The following ANK1 variants were observed in gnomAD, a reference collection of about 807,000 sequenced individuals.
ANK1 encodes the protein ankyrin 1.
In ANK1, 51 loss-of-function variants were observed where a neutral mutation model predicts 210.4. That is an observed-to-expected ratio of 0.24 (90% confidence interval 0.19 to 0.31). The LOEUF is 0.31. Ranked by LOEUF, ANK1 falls within the 10% of genes least tolerant of loss-of-function variation. ANK1 has a pLI of 1.00. For missense variants in ANK1, 2,051 were observed against 2,504.4 expected (o/e 0.82, Z 3.86); for synonymous variants, 967 against 1,025.9 (o/e 0.94, Z 1.10).
chr8:41,715,525 C>A, intron 14 of ANK1, 127 bp downstream of exon 14: 1 of 1,260,538 alleles, frequency 7.9e-7, no homozygotes, highest in Non-Finnish European at 1.1e-6. Context: ...CTGAGTGTGA[C>A]GACCCTTCCA....
intron 1 of ANK1, among the ~76,000 whole-genome samples, chr8:41,837,876 A>C (rs1808073964): frequency 6.6e-6 from 1 of 152,200 alleles, no homozygotes; most frequent in Admixed American, 6.5e-5. Flanking sequence ...TCTCAAAAAA[A>C]AAAATGTTAA....
upstream of ANK1, among the ~76,000 whole-genome samples, chr8:41,799,166 T>C (rs1849456741): frequency 6.6e-6 from 1 of 151,934 alleles, no homozygotes; most frequent in African/African-American, 2.4e-5. Flanking sequence ...TGGCTGTTTG[T>C]TGTTGTTGTT....
intron 21 of ANK1, 74 bp from the exon 22 acceptor site, chr8:41,701,696 T>G: frequency 1.4e-6 from 2 of 1,430,184 alleles, no homozygotes; most frequent in East Asian, 2.3e-5. Flanking sequence ...AGCGGTTCCC[T>G]GGTCATGCCT....
intron 1 of ANK1, among the ~76,000 whole-genome samples, chr8:41,863,080 C>T (rs770688078): frequency 3.3e-5 from 5 of 151,908 alleles, no homozygotes; most frequent in East Asian, 1.9e-4. Flanking sequence ...GTATTATAGC[C>T]GGGCGCGGTG....
chr8:41,870,765 C>G (rs1210271165), intron 1 of ANK1, among the ~76,000 whole-genome samples: 1 of 152,146 alleles, frequency 6.6e-6, no homozygotes, highest in African/African-American at 2.4e-5. Context: ...TTTAGCTGAC[C>G]AAGGTTTTGT....
intron 1 of ANK1, among the ~76,000 whole-genome samples, chr8:41,840,943 A>T (rs1407062163): frequency 6.6e-6 from 1 of 152,226 alleles, no homozygotes; most frequent in East Asian, 1.9e-4. Context: ...AGACTTATCC[A>T]CTGATGGGGA....
At position 41,775,294 on chromosome 8, in the gene ANK1, A is replaced by G. The variant is rs578175317; in HGVS notation, c.28-17157T>C. ...CTGAGACTCCTCCTTTATTTGAACA[A>G]TTTGCCCCAAGGGACAGAGCCAGGA... On this transcript the variant is annotated intron_variant, in intron 1 of 42. Transcript: ENST00000289734. 7.2e-5 allele frequency among the ~76,000 whole-genome samples: 11 copies of G among 152,342 alleles called. No individual in the cohort carries two copies. In the South Asian group the frequency reaches 1.9e-3, roughly 26 times the overall value.
At chr8:41,885,975 T>A (rs970139657) in intron 1 of ANK1, among the ~76,000 whole-genome samples, 2 of 152,238 alleles carry the variant, frequency 1.3e-5, no homozygotes, top group Non-Finnish European at 1.5e-5. Context: ...TTTGACCTGA[T>A]GGCCATCTCC....
In ANK1 at chr8:41,655,455, G is replaced by T. The variant is rs1805340580; in HGVS notation, c.*335C>A. On this transcript the variant is annotated 3_prime_UTR_variant, in exon 43 of 43. Transcript: ENST00000289734. ...CCACAAAAAGCCCTCATTCACTTTT[G>T]CGTTCGCAGGCTCTCCTGCGCTTGT... is the stretch of plus-strand genomic sequence containing the variant. The T allele has an allele frequency of 2.4e-6, 1 of 412,126 alleles. No homozygotes were observed. The highest frequency in any genetic ancestry group is 3.9e-5 in the Admixed American group (1 of 25,542). The allele number at this position is 412,126 out of a possible 1,614,324, so 25.5% of individuals were successfully genotyped here.
At chr8:41,716,569 C>T (rs1402481859) in intron 13 of ANK1, among the ~76,000 whole-genome samples, 1 of 152,114 alleles carries the variant, frequency 6.6e-6, no homozygotes, top group Admixed American at 6.5e-5. Context: ...CTCCAACCCC[C>T]GCAAAATGTG....
At position 41,797,446 on chromosome 8, in the gene ANK1, T is replaced by C; in HGVS notation, c.27+66A>G. The C allele has an allele frequency of 6.8e-7, 1 of 1,461,052 alleles. No individual in the cohort carries two copies. The highest frequency in any genetic ancestry group is 2.4e-5 in the East Asian group (1 of 42,040). 90.5% of individuals were successfully genotyped at this position (1,461,052 alleles called of 1,614,324 possible). A position where few individuals can be genotyped will look rare whatever the true frequency, so the allele number is the denominator to read the frequency against. On this transcript the variant is annotated intron_variant, in intron 1 of 42. Coordinates refer to ENST00000289734, the MANE Select transcript of ANK1 (RefSeq NM_000037.4). This position sits in a 1 kb window ranked among gnomAD's most constrained non-coding sequence, Gnocchi z 4.0. Reference sequence around the variant, plus strand: ...CTGCTCTTGCTCGCGTGCTGCCTACTGGCGCGGCCTGGGTGGCCCCCTCCT... The same window carrying C: ...CTGCTCTTGCTCGCGTGCTGCCTACCGGCGCGGCCTGGGTGGCCCCCTCCT...
Position 41,797,459 on chromosome 8 carries a change from G to T in ANK1, c.27+53C>A. 6.4e-7 allele frequency: 1 copy of T among 1,553,464 alleles called. No individual in the cohort carries two copies. Reference sequence around the variant, plus strand: ...CGTGCTGCCTACTGGCGCGGCCTGGGTGGCCCCCTCCTGACATCTCCCCGT... The same window carrying T: ...CGTGCTGCCTACTGGCGCGGCCTGGTTGGCCCCCTCCTGACATCTCCCCGT... On this transcript the variant is annotated intron_variant, in intron 1 of 42. Transcript: ENST00000289734. The surrounding 1 kb of genome is among the most constrained non-coding windows in gnomAD (Gnocchi z 4.0).
At chr8:41,860,849 T>C (rs990642375) in intron 1 of ANK1, among the ~76,000 whole-genome samples, 4 of 152,224 alleles carry the variant, frequency 2.6e-5, no homozygotes, top group African/African-American at 9.6e-5. Context: ...CCTCCCCTGC[T>C]GTGCCTGGAG....
intron 2 of ANK1, 41 bp from the exon 3 acceptor site, chr8:41,734,110 A>G: frequency 6.4e-7 from 1 of 1,562,946 alleles, no homozygotes; most frequent in South Asian, 1.1e-5. Flanking sequence ...GGTTAGTCAA[A>G]TGGTGCTTTC....
At position 41,719,790 on chromosome 8, in the gene ANK1, T is replaced by C. The variant is rs1226121527; in HGVS notation, c.978A>G (p.Gln326=). ...DHLDCVRLLL[Q]YDAEIDDITL... ...TGATGTCGTCTATCTCTGCGTCGTA[T>C]TGCAACAGGAGCCGGACACAGTCGA... is the stretch of plus-strand genomic sequence containing the variant. The change falls in exon 10 of 43, where the codon CAA becomes CAG. Residue 326 remains glutamine, a synonymous_variant. Transcript: ENST00000289734. The C allele has an allele frequency of 1.2e-6, 2 of 1,614,182 alleles. No homozygotes were observed. The highest frequency in any genetic ancestry group is 1.3e-5 in the African/African-American group (1 of 75,046).
intron 39 of ANK1, chr8:41,665,317 C>G: frequency 7.3e-7 from 1 of 1,377,514 alleles, no homozygotes; most frequent in Non-Finnish European, 9.6e-7. Flanking sequence ...CCTCCCCAAA[C>G]CAGCTGCCGG....
upstream of ANK1, among the ~76,000 whole-genome samples, chr8:41,801,519 A>G (rs1849856257): frequency 6.6e-6 from 1 of 152,232 alleles, no homozygotes; most frequent in African/African-American, 2.4e-5. Flanking sequence ...AAGTTCAACA[A>G]CATTTGGTAT....
rs368199068 is a variant in ANK1, at chr8:41,671,571, T to C, written c.5096+783A>G. Among the ~76,000 whole-genome samples, 4 of 151,822 alleles carry C rather than the reference T, an allele frequency of 2.6e-5. No individual in the cohort carries two copies. In the East Asian group the frequency reaches 7.8e-4, roughly 30 times the overall value. On this transcript the variant is annotated intron_variant, in intron 38 of 42. Transcript: ENST00000289734. The stretch of plus-strand genomic sequence containing the variant: ...TAAGTGAGCACTCCAGGTACCCTAA[T>C]GTCCCTAAGTGAGCTCTCCCGGCAC...
At chr8:41,845,400 G>GA (rs905500056) in intron 1 of ANK1, among the ~76,000 whole-genome samples, 13 of 143,650 alleles carry the variant, frequency 9.0e-5, no homozygotes, top group East Asian at 2.0e-4. Flanking sequence ...AAAAAAAAAA[G>GA]AAAAAAAAAA....
Sources: allele counts gnomAD v4.1 joint callset (sites outside exome capture counted in the v4.1 genomes callset), GRCh38; gene constraint gnomAD v4.1.1; non-coding constraint Gnocchi (gnomAD v3.1); transcripts MANE v1.5; gene names NCBI Gene and HGNC (gene_info 2026-07-23, HGNC 2026-07-21).